TMEM164: variants seen among roughly 807,000 people sequenced by gnomAD.
TMEM164 encodes the protein RP13-360B22.2.
TMEM164 carries 4 observed loss-of-function variants against 18.8 expected under a neutral mutation model. The observed-to-expected ratio is 0.21, with a 90% CI of 0.10 to 0.49. The LOEUF (loss-of-function observed/expected upper bound fraction) is 0.49, where lower values mean the gene tolerates loss of function less well. Ranked by LOEUF, TMEM164 falls within the 20% of genes least tolerant of loss-of-function variation. TMEM164 has a pLI of 0.98. For synonymous variants in TMEM164, 86 were observed against 101.7 expected (o/e 0.85, Z 0.93); for missense variants, 108 against 239.9 (o/e 0.45, Z 3.63).
rs2065767170 is a variant in TMEM164, at chrX:110,082,105, T to TGGAA, written c.440+14712_440+14715dup. The TGGAA allele has an allele frequency of 2.6e-5, 3 of 113,644 alleles. No individual in the cohort carries two copies. In the Admixed American group the frequency reaches 2.8e-4, roughly 11 times the overall value. 9.4% of individuals were successfully genotyped at this position (113,644 alleles called of 1,213,427 possible). A position where few individuals can be genotyped will look rare whatever the true frequency, so the allele number is the denominator to read the frequency against. On this transcript the variant is annotated intron_variant, in intron 3 of 6. Transcript: ENST00000372068. ...CAGTCCTGCTGCTATAGCCTGCTGC[T>TGGAA]GGAAGGGCTGCCTCAGTGGAAAGCA...
chrX:110,111,710 C>A (rs1448418775), intron 4 of TMEM164, among the ~76,000 whole-genome samples: 3 of 111,838 alleles, frequency 2.7e-5, no homozygotes, highest in Non-Finnish European at 5.6e-5. Flanking sequence ...AACCAAATAT[C>A]CTTCTTCTTG....
chrX:110,114,071 C>T (rs776663094), intron 4 of TMEM164, among the ~76,000 whole-genome samples: 5 of 111,520 alleles, frequency 4.5e-5, no homozygotes, highest in East Asian at 2.8e-4. Flanking sequence ...GGATAAATGA[C>T]GAGTTTCAGT....
chrX:110,093,841 T>C (rs1320202968), intron 3 of TMEM164, among the ~76,000 whole-genome samples: 2 of 112,391 alleles, frequency 1.8e-5, no homozygotes, highest in Middle Eastern at 8.5e-3. Flanking sequence ...TAAATTTTCC[T>C]CTATACTCAG....
chrX:110,115,523 G>A (rs1185398534), intron 4 of TMEM164, among the ~76,000 whole-genome samples: 2 of 111,058 alleles, frequency 1.8e-5, no homozygotes, highest in Non-Finnish European at 3.8e-5. Flanking sequence ...CAAATTCTAG[G>A]GACTATCCTA....
chrX:110,098,857 A>T (rs1416518543), intron 3 of TMEM164, among the ~76,000 whole-genome samples: 1 of 102,055 alleles, frequency 9.8e-6, no homozygotes, highest in African/African-American at 3.7e-5. Flanking sequence ...ATCTTGGCTC[A>T]CTGCAGGCTC....
intron 4 of TMEM164, among the ~76,000 whole-genome samples, chrX:110,133,763 T>C (rs2066645741): frequency 9.0e-6 from 1 of 111,629 alleles, no homozygotes; most frequent in Non-Finnish European, 1.9e-5. Flanking sequence ...TTATTATCCT[T>C]AGGCAGACCA....
rs1201909262 is a variant in TMEM164, at chrX:110,059,498, C to CA, written c.391-7840dup. On this transcript the variant is annotated intron_variant, in intron 2 of 6. Transcript: ENST00000372068. ...TTTAAAATCAGCGTGTCAGTTTCTACAAAAAAAAATGTCAGCTGGGATTCT... is the reference window on the plus strand; with the variant it reads ...TTTAAAATCAGCGTGTCAGTTTCTACAAAAAAAAAATGTCAGCTGGGATTCT... Among the ~76,000 whole-genome samples the CA allele has an allele frequency of 2.3e-3, 249 of 108,975 alleles. 1 individual carries two copies. Among genetic ancestry groups the CA allele is most frequent in the Middle Eastern group, 4.7e-3 (1 of 215 alleles). 94.6% of individuals were successfully genotyped at this position (108,975 alleles called of 115,157 possible).
intron 2 of TMEM164, among the ~76,000 whole-genome samples, chrX:110,030,421 CTT>C (rs367617232): frequency 1.1e-5 from 1 of 90,891 alleles, no homozygotes; most frequent in Non-Finnish European, 2.2e-5. Flanking sequence ...CATTCGGCCT[CTT>C]TTTTTTTTTT....
chrX:110,107,770 G>A (rs183198570), intron 3 of TMEM164, among the ~76,000 whole-genome samples: 88 of 105,901 alleles, frequency 8.3e-4, no homozygotes, highest in Non-Finnish European at 1.4e-3. Context: ...AGCGATTCTT[G>A]TGCCTCAGCC....
intron 4 of TMEM164, among the ~76,000 whole-genome samples, chrX:110,118,537 T>C (rs2066404728): frequency 9.0e-6 from 1 of 111,528 alleles, no homozygotes; most frequent in South Asian, 3.8e-4. Context: ...AGGACTCTTT[T>C]CTGCTTTGCC....
At chrX:110,144,927 C>T in intron 5 of TMEM164, 51 bp downstream of exon 5, 1 of 1,043,699 alleles carries the variant, frequency 9.6e-7, no homozygotes, top group Non-Finnish European at 1.3e-6. Flanking sequence ...TAACCTCTCC[C>T]TTCTGTTTTT....
downstream of TMEM164, among the ~76,000 whole-genome samples, chrX:110,181,100 TC>T (rs761835913): frequency 8.1e-5 from 9 of 111,209 alleles, no homozygotes; most frequent in African/African-American, 2.6e-4. Flanking sequence ...TGCTCATTAA[TC>T]CCCTGGGGAG....
chrX:110,002,674 G>T (rs893718733), upstream of TMEM164: 1 of 110,609 alleles, frequency 9.0e-6, no homozygotes, highest in African/African-American at 3.3e-5. Context: ...AGGAGGAGCC[G>T]TGCGCCGCGG....
chrX:110,154,289 CT>C (rs1238220086), intron 5 of TMEM164, among the ~76,000 whole-genome samples: 2 of 112,205 alleles, frequency 1.8e-5, no homozygotes, highest in Non-Finnish European at 3.8e-5. Flanking sequence ...TGATTATTTT[CT>C]TTTATAATCC....
At position 110,044,622 on chromosome X, in the gene TMEM164, T is replaced by C. The variant is rs762014358; in HGVS notation, c.391-22725T>C. ...TTTTTTTTTTTTTTTTTTTTTTTTT[T>C]ACTTTTTTTCTACAGATGGGGTCTC... On this transcript the variant is annotated intron_variant, in intron 2 of 6. Coordinates refer to ENST00000372068, the MANE Select transcript of TMEM164 (RefSeq NM_032227.4). 3.4e-3 allele frequency among the ~76,000 whole-genome samples: 155 copies of C among 46,040 alleles called. 1 individual carries two copies. In the East Asian group the frequency reaches 0.095, roughly 28 times the overall value. The allele number at this position is 46,040 out of a possible 115,157, so 40.0% of individuals were successfully genotyped here.
chrX:110,137,643 T>A lies in TMEM164; in HGVS notation c.508-7155T>A, dbSNP rs534078191. On this transcript the variant is annotated intron_variant, in intron 4 of 6. Coordinates refer to ENST00000372068, the MANE Select transcript of TMEM164 (RefSeq NM_032227.4). The stretch of plus-strand genomic sequence containing the variant: ...CTTAGAAAATTCAAACCAAAGCCAA[T>A]ACATGATCTACAGGGCCTCCCATGA... 4.7e-3 allele frequency among the ~76,000 whole-genome samples: 520 copies of A among 111,502 alleles called. 17 individuals carry two copies. The highest frequency in any genetic ancestry group is 0.03 in the South Asian group (80 of 2,640).
At chrX:110,073,106 A>G (rs1389854516) in intron 3 of TMEM164, among the ~76,000 whole-genome samples, 1 of 111,317 alleles carries the variant, frequency 9.0e-6, no homozygotes. Context: ...AACGTGGCTC[A>G]CTATAGCCTC....
At chrX:110,019,029 A>G (rs1217042720) in intron 2 of TMEM164, among the ~76,000 whole-genome samples, 1 of 111,433 alleles carries the variant, frequency 9.0e-6, no homozygotes, top group East Asian at 2.8e-4. Flanking sequence ...CAAAAGGGAG[A>G]AAGGTAGGTT....
chrX:110,081,422 T>C (rs183672778), intron 3 of TMEM164, among the ~76,000 whole-genome samples: 1 of 111,622 alleles, frequency 9.0e-6, no homozygotes, highest in Non-Finnish European at 1.9e-5. Flanking sequence ...TTAATCCTTC[T>C]AACAAAACTG....
Sources: allele counts gnomAD v4.1 joint callset (sites outside exome capture counted in the v4.1 genomes callset), GRCh38; gene constraint gnomAD v4.1.1; transcripts MANE v1.5; gene names NCBI Gene and HGNC (gene_info 2026-07-23, HGNC 2026-07-21).